Variants in NSD1 observed in about 807,000 individuals in gnomAD.
NSD1 encodes the protein histone-lysine N-methyltransferase, H3 lysine-36 specific.
In NSD1, 26 loss-of-function variants were observed where a neutral mutation model predicts 242.7. The ratio of observed to expected loss-of-function variants is 0.11; its 90% confidence interval spans 0.08 to 0.15. NSD1 has a LOEUF of 0.15. Among genes scored for constraint, NSD1 ranks in the 10% least tolerant of loss-of-function variants. The probability of loss-of-function intolerance (pLI) is 1.00; values close to 1 mark genes in which losing one functional copy is unlikely to be tolerated. For synonymous variants in NSD1, 1,106 were observed against 1,178.1 expected (o/e 0.94, Z 1.25); for missense variants, 2,495 against 3,272.8 (o/e 0.76, Z 5.80).
intron 14 of NSD1, among the ~76,000 whole-genome samples, chr5:177,262,393 A>C (rs1301063507): frequency 1.3e-5 from 2 of 152,164 alleles, no homozygotes; most frequent in African/African-American, 2.4e-5. Flanking sequence ...GCTTGAGCCC[A>C]GGAATTCAAG....
chr5:177,143,704 C>A (rs1581114880), intron 2 of NSD1, among the ~76,000 whole-genome samples: 1 of 151,958 alleles, frequency 6.6e-6, no homozygotes, highest in South Asian at 2.1e-4. Context: ...CCCTTAATGT[C>A]TCTAAGGCCC....
At position 177,265,520 on chromosome 5, in the gene NSD1, G is replaced by A. The variant is rs181464986; in HGVS notation, c.5147-2042G>A. On this transcript the variant is annotated intron_variant, in intron 14 of 22. Transcript: ENST00000439151. ...GAGAGGAAGGGGGAGCCCCACAACC[G>A]TCTAGGAATGCTCAGCCCCTGGGCC... 5.2e-4 allele frequency: 384 copies of A among 741,522 alleles called. 2 individuals are homozygous for A. The East Asian group carries it at 9.5e-3, about 18-fold the overall frequency. The allele number at this position is 741,522 out of a possible 1,614,324, so 45.9% of individuals were successfully genotyped here. A position where few individuals can be genotyped will look rare whatever the true frequency, so the allele number is the denominator to read the frequency against.
intron 5 of NSD1, among the ~76,000 whole-genome samples, chr5:177,218,629 G>A (rs960296850): frequency 2.0e-5 from 3 of 150,682 alleles, no homozygotes; most frequent in Admixed American, 6.6e-5. Context: ...GTGCCGTGGC[G>A]CAATCTCGGG....
chr5:177,207,919 T>C (rs1562202214), intron 4 of NSD1, among the ~76,000 whole-genome samples: 3 of 151,094 alleles, frequency 2.0e-5, no homozygotes, highest in Non-Finnish European at 4.4e-5. Flanking sequence ...TGTGTGTGTG[T>C]GTGCGTGTGT....
chr5:177,174,711 A>G (rs890026084), intron 2 of NSD1, among the ~76,000 whole-genome samples: 2 of 148,504 alleles, frequency 1.3e-5, no homozygotes, highest in African/African-American at 2.5e-5. Flanking sequence ...GGTGCCCACT[A>G]CAACGCCCGG....
At chr5:177,232,980 G>A (rs1341384705) in intron 5 of NSD1, among the ~76,000 whole-genome samples, 1 of 152,220 alleles carries the variant, frequency 6.6e-6, no homozygotes, top group Non-Finnish European at 1.5e-5. Flanking sequence ...TAACTGTGCT[G>A]GGATGTGCTA....
At chr5:177,275,204 T>G (rs1257439372) in intron 17 of NSD1, among the ~76,000 whole-genome samples, 1 of 151,940 alleles carries the variant, frequency 6.6e-6, no homozygotes, top group African/African-American at 2.4e-5. Flanking sequence ...ACTTGGATTT[T>G]TATTTGCTAA....
intron 5 of NSD1, among the ~76,000 whole-genome samples, chr5:177,232,188 T>G (rs1765111648): frequency 6.6e-6 from 1 of 152,208 alleles, no homozygotes; most frequent in South Asian, 2.1e-4. Context: ...ATAATTCTGT[T>G]TAGATGTATA....
rs574777588 is a variant in NSD1, at chr5:177,292,283, G to A, written c.6463+125G>A. On this transcript the variant is annotated intron_variant, in intron 22 of 22. Transcript: ENST00000439151. ...TTCCATGCATAATTTTGAGGGGTAT[G>A]GTCTATTTTCTTATTTTGGAAATAA... is the stretch of plus-strand genomic sequence containing the variant. 22 of 919,252 alleles carry A rather than the reference G, an allele frequency of 2.4e-5. No homozygotes were observed. In the South Asian group the frequency reaches 3.0e-4, roughly 12 times the overall value. The allele number at this position is 919,252 out of a possible 1,614,324, so 56.9% of individuals were successfully genotyped here.
At position 177,296,738 on chromosome 5, in the gene NSD1, G is replaced by C. The variant is rs1490643855; in HGVS notation, c.*1279G>C. On this transcript the variant is annotated 3_prime_UTR_variant, in exon 23 of 23. Transcript: ENST00000439151. ...TAACTGCTGATTATCTGTTACTGCT[G>C]CCCTGAGCTGGGGCCCAAGGGCTGG... is the stretch of plus-strand genomic sequence containing the variant. The C allele has an allele frequency of 2.6e-5, 6 of 233,232 alleles. No homozygotes were observed. The highest frequency in any genetic ancestry group is 4.2e-5 in the Non-Finnish European group (5 of 118,100). The allele number at this position is 233,232 out of a possible 1,614,324, so 14.4% of individuals were successfully genotyped here.
intron 2 of NSD1, among the ~76,000 whole-genome samples, chr5:177,173,148 C>G (rs986903752): frequency 6.6e-6 from 1 of 150,864 alleles, no homozygotes; most frequent in African/African-American, 2.4e-5. Flanking sequence ...AAAAATTAGC[C>G]GGGCGTGGTG....
At chr5:177,138,134 A>C (rs973245794) in intron 2 of NSD1, among the ~76,000 whole-genome samples, 1 of 152,090 alleles carries the variant, frequency 6.6e-6, no homozygotes, top group African/African-American at 2.4e-5. Flanking sequence ...AAAATATTGG[A>C]GCCTTTAGAT....
intron 2 of NSD1, among the ~76,000 whole-genome samples, chr5:177,143,328 A>AT (rs757688131): frequency 2.6e-4 from 39 of 148,136 alleles, no homozygotes; most frequent in Middle Eastern, 3.5e-3. Flanking sequence ...AAGGATAATA[A>AT]TTTTTTTTTT....
At chr5:177,197,268 T>A (rs1188039409) in intron 3 of NSD1, among the ~76,000 whole-genome samples, 4 of 143,076 alleles carry the variant, frequency 2.8e-5, no homozygotes, top group Admixed American at 7.0e-5. Context: ...AGACTCCATC[T>A]AAAAAAAAAA....
chr5:177,193,240 A>C (rs1761841365), intron 3 of NSD1, among the ~76,000 whole-genome samples: 1 of 152,064 alleles, frequency 6.6e-6, no homozygotes. Context: ...TGCTGGGTTC[A>C]TGCCATTCTC....
chr5:177,141,568 G>C (rs1756826593), intron 2 of NSD1, among the ~76,000 whole-genome samples: 1 of 151,808 alleles, frequency 6.6e-6, no homozygotes, highest in Non-Finnish European at 1.5e-5. Flanking sequence ...AACCTCAAGT[G>C]ATCCACCTGC....
chr5:177,229,876 T>C, intron 5 of NSD1: 1 of 229,830 alleles, frequency 4.4e-6, no homozygotes, highest in Non-Finnish European at 8.9e-6. Context: ...CCTGAGTAGC[T>C]GCAACTACAG....
In NSD1 at chr5:177,295,560, C is replaced by T; in HGVS notation, c.*101C>T. 1 of 1,196,154 alleles carries T rather than the reference C, an allele frequency of 8.4e-7. No homozygotes were observed. Among genetic ancestry groups the T allele is most frequent in the South Asian group, 1.3e-5 (1 of 76,514 alleles). 74.1% of individuals were successfully genotyped at this position (1,196,154 alleles called of 1,614,324 possible). On this transcript the variant is annotated 3_prime_UTR_variant, in exon 23 of 23. Coordinates refer to ENST00000439151, the MANE Select transcript of NSD1 (RefSeq NM_022455.5). This position sits in a 1 kb window ranked among gnomAD's most constrained non-coding sequence, Gnocchi z 4.3. ...CCCCCTTAAAAAAAAACACATCTGCCCCGAACACTTTCCCACTGTTATTCT... is the reference window on the plus strand; with the variant it reads ...CCCCCTTAAAAAAAAACACATCTGCTCCGAACACTTTCCCACTGTTATTCT...
At chr5:177,277,233 T>C (rs1758470867) in intron 17 of NSD1, among the ~76,000 whole-genome samples, 1 of 152,064 alleles carries the variant, frequency 6.6e-6, no homozygotes, top group Non-Finnish European at 1.5e-5. Context: ...ATTCTTGTAA[T>C]ACTCTTGAAC....
Sources: allele counts gnomAD v4.1 joint callset (sites outside exome capture counted in the v4.1 genomes callset), GRCh38; gene constraint gnomAD v4.1.1; non-coding constraint Gnocchi (gnomAD v3.1); transcripts MANE v1.5; gene names NCBI Gene and HGNC (gene_info 2026-07-23, HGNC 2026-07-21).